Variants in CNTNAP2 observed in about 807,000 individuals in gnomAD.
CNTNAP2 encodes the protein contactin-associated protein-like 2.
Under a neutral mutation model 155.2 loss-of-function variants are expected in CNTNAP2, and 98 were observed. The observed-to-expected ratio is 0.63, with a 90% CI of 0.54 to 0.75. The LOEUF (loss-of-function observed/expected upper bound fraction) is 0.75, where lower values mean the gene tolerates loss of function less well. CNTNAP2 is among the 30% of genes least tolerant of loss of function. The pLI, the probability that CNTNAP2 is intolerant of heterozygous loss-of-function variation, is 0.00. For synonymous variants in CNTNAP2, 651 were observed against 631.2 expected, an observed-to-expected ratio of 1.03 and a Z score of -0.47; for missense variants, 1,727 against 1,688.1, an observed-to-expected ratio of 1.02 and a Z score of -0.40.
intron 1 of CNTNAP2, among the ~76,000 whole-genome samples, chr7:146,227,648 A>G (rs1051125488): frequency 2.0e-5 from 3 of 152,186 alleles, no homozygotes; most frequent in African/African-American, 7.2e-5. Flanking sequence ...AAGTGTCAAT[A>G]AAAATAACCG....
At chr7:147,669,534 T>C (rs1256913885) in intron 13 of CNTNAP2, among the ~76,000 whole-genome samples, 1 of 152,228 alleles carries the variant, frequency 6.6e-6, no homozygotes, top group Non-Finnish European at 1.5e-5. Flanking sequence ...ACCACCATCC[T>C]ACATTTTTAC....
At chr7:148,062,071 G>A (rs935960274) in intron 15 of CNTNAP2, among the ~76,000 whole-genome samples, 1 of 144,416 alleles carries the variant, frequency 6.9e-6, no homozygotes. Context: ...GTGTGTGTGT[G>A]TGTGTTTAGT....
At chr7:148,082,405 G>A (rs961836915) in intron 15 of CNTNAP2, among the ~76,000 whole-genome samples, 1 of 152,164 alleles carries the variant, frequency 6.6e-6, no homozygotes, top group Non-Finnish European at 1.5e-5. Context: ...GTTATGGGAG[G>A]AGCAACTTGG....
intron 1 of CNTNAP2, among the ~76,000 whole-genome samples, chr7:146,435,136 A>G (rs530104803): frequency 3.7e-4 from 56 of 152,304 alleles, no homozygotes; most frequent in African/African-American, 1.3e-3. Context: ...TCAGAGGGTT[A>G]ATTAACTTGC....
chr7:146,748,032 T>C (rs1401730188), intron 1 of CNTNAP2, among the ~76,000 whole-genome samples: 1 of 152,046 alleles, frequency 6.6e-6, no homozygotes, highest in East Asian at 1.9e-4. Flanking sequence ...AATTTTTATT[T>C]ACTTTTTGAA....
intron 3 of CNTNAP2, among the ~76,000 whole-genome samples, chr7:146,897,350 T>C (rs1795899038): frequency 6.6e-6 from 1 of 152,162 alleles, no homozygotes; most frequent in African/African-American, 2.4e-5. Context: ...GAGGCCAGCA[T>C]ATTCTGGTGC....
intron 3 of CNTNAP2, among the ~76,000 whole-genome samples, chr7:146,930,525 A>G (rs1469376465): frequency 2.0e-5 from 3 of 152,234 alleles, no homozygotes; most frequent in Non-Finnish European, 4.4e-5. Context: ...AAGAAACTGC[A>G]TCAACTAACG....
intron 1 of CNTNAP2, among the ~76,000 whole-genome samples, chr7:146,619,860 T>C (rs1432708879): frequency 6.6e-6 from 1 of 152,192 alleles, no homozygotes; most frequent in Non-Finnish European, 1.5e-5. Context: ...TCGAATACTA[T>C]GTAGATGTAT....
chr7:147,044,254 T>C (rs1429269608), intron 4 of CNTNAP2, among the ~76,000 whole-genome samples, 200 bp downstream of exon 4: 1 of 152,156 alleles, frequency 6.6e-6, no homozygotes, highest in Non-Finnish European at 1.5e-5. Flanking sequence ...AAATGTATAT[T>C]ATAAACACGT....
chr7:146,601,953 A>G (rs546902171), intron 1 of CNTNAP2, among the ~76,000 whole-genome samples: 9 of 152,260 alleles, frequency 5.9e-5, no homozygotes, highest in Non-Finnish European at 1.0e-4. Context: ...GAAAGTAAAA[A>G]AAATAAATAA....
At chr7:147,468,865 G>T (rs1383532905) in intron 10 of CNTNAP2, among the ~76,000 whole-genome samples, 10 of 149,544 alleles carry the variant, frequency 6.7e-5, no homozygotes, top group Non-Finnish European at 8.9e-5. Flanking sequence ...CCCCCAGACA[G>T]AGTGTCACTC....
At chr7:146,492,756 A>G (rs1056664652) in intron 1 of CNTNAP2, among the ~76,000 whole-genome samples, 14 of 152,226 alleles carry the variant, frequency 9.2e-5, no homozygotes, top group Non-Finnish European at 2.1e-4. Flanking sequence ...TGATATGCAT[A>G]TACAGTAAAG....
At chr7:147,840,811 T>C (rs1246593244) in intron 13 of CNTNAP2, among the ~76,000 whole-genome samples, 1 of 151,798 alleles carries the variant, frequency 6.6e-6, no homozygotes, top group Non-Finnish European at 1.5e-5. Context: ...TAGAATGGGA[T>C]CTAGATTCTT....
At chr7:147,459,160 G>A (rs952356703) in intron 10 of CNTNAP2, among the ~76,000 whole-genome samples, 3 of 152,122 alleles carry the variant, frequency 2.0e-5, no homozygotes, top group Admixed American at 6.5e-5. Flanking sequence ...ACTAACTAAG[G>A]AACTACATTT....
At chr7:146,728,182 G>A (rs938663789) in intron 1 of CNTNAP2, among the ~76,000 whole-genome samples, 9 of 152,080 alleles carry the variant, frequency 5.9e-5, no homozygotes, top group African/African-American at 1.9e-4. Flanking sequence ...TAGTTGTGTG[G>A]CGTGATGTTT....
Position 147,927,656 on chromosome 7 carries a change from A to G in CNTNAP2, c.2255+23935A>G, listed in dbSNP as rs73462189. 8.7e-3 allele frequency among the ~76,000 whole-genome samples: 1,320 copies of G among 152,344 alleles called. 19 individuals are homozygous for G. Among genetic ancestry groups the G allele is most frequent in the African/African-American group, 0.03 (1,242 of 41,578 alleles). ...TGCAATATCTTCAGAATTTCATGCC[A>G]TAAGATTAACTATACTTGATCAATA... On this transcript the variant is annotated intron_variant, in intron 14 of 23. Coordinates refer to ENST00000361727, the MANE Select transcript of CNTNAP2 (RefSeq NM_014141.6).
At chr7:146,802,441 G>A (rs764977215) in intron 2 of CNTNAP2, among the ~76,000 whole-genome samples, 5 of 152,018 alleles carry the variant, frequency 3.3e-5, no homozygotes, top group South Asian at 2.1e-4. Flanking sequence ...CTATGTGTTC[G>A]CACCCAAATC....
chr7:147,599,995 T>C (rs1385152981), intron 12 of CNTNAP2, among the ~76,000 whole-genome samples: 2 of 152,202 alleles, frequency 1.3e-5, no homozygotes, highest in African/African-American at 4.8e-5. Context: ...AACAACCTTA[T>C]TCACAATAAT....
intron 8 of CNTNAP2, among the ~76,000 whole-genome samples, chr7:147,192,147 C>G (rs953497378): frequency 9.9e-5 from 15 of 152,162 alleles, no homozygotes; most frequent in African/African-American, 3.6e-4. Flanking sequence ...CAGCAAGACT[C>G]TCAACACCAG....
Sources: gnomAD v4.1 joint callset for allele counts (sites outside exome capture counted in the v4.1 genomes callset) on GRCh38, gnomAD v4.1.1 for gene constraint, MANE v1.5 for transcripts, NCBI Gene and HGNC (gene_info 2026-07-23, HGNC 2026-07-21) for gene names.